The following SKAP1 variants were observed in gnomAD, a reference collection of about 807,000 sequenced individuals.
SKAP1 encodes src kinase associated phosphoprotein 1, also known as src kinase-associated phosphoprotein 1.
SKAP1 carries 44 observed loss-of-function variants against 58.5 expected under a neutral mutation model. That is an observed-to-expected ratio of 0.75 (90% CI 0.59 to 0.97). SKAP1 has a LOEUF of 0.97. Ranked by LOEUF, SKAP1 falls within the 50% of genes least tolerant of loss-of-function variation. The pLI is 0.00. For synonymous variants in SKAP1, 127 were observed against 149.7 expected, an observed-to-expected ratio of 0.85 and a Z score of 1.11; for missense variants, 390 against 435.2, an observed-to-expected ratio of 0.90 and a Z score of 0.92.
At chr17:48,396,930 A>T (rs536062260) in intron 1 of SKAP1, 145 bp from the exon 2 acceptor site, 70 of 451,006 alleles carry the variant, frequency 1.6e-4, no homozygotes, top group Admixed American at 3.7e-4. Flanking sequence ...AGTATAATAA[A>T]AAAAAAAAAA....
At chr17:48,284,927 A>G (rs1279429260) in intron 4 of SKAP1, among the ~76,000 whole-genome samples, 2 of 152,230 alleles carry the variant, frequency 1.3e-5, no homozygotes, top group East Asian at 1.9e-4. Context: ...TTTTCAGCAC[A>G]CTGAAATTCT....
chr17:48,209,357 G>T (rs1598429740), intron 4 of SKAP1, among the ~76,000 whole-genome samples: 1 of 152,134 alleles, frequency 6.6e-6, no homozygotes, highest in African/African-American at 2.4e-5. Flanking sequence ...TGTATTTACA[G>T]AGTCTGGAAG....
intron 4 of SKAP1, among the ~76,000 whole-genome samples, chr17:48,249,833 G>A (rs778038192): frequency 7.2e-5 from 11 of 152,040 alleles, no homozygotes; most frequent in Non-Finnish European, 1.6e-4. Flanking sequence ...ATCTGGGAGG[G>A]CACAGAGGCC....
chr17:48,261,227 A>G (rs1042666027), intron 4 of SKAP1, among the ~76,000 whole-genome samples: 2 of 152,134 alleles, frequency 1.3e-5, no homozygotes, highest in Non-Finnish European at 2.9e-5. Context: ...ATGACTTAAA[A>G]CCATCTCTCA....
chr17:48,336,711 A>G (rs749025026), intron 4 of SKAP1, among the ~76,000 whole-genome samples: 49 of 152,188 alleles, frequency 3.2e-4, no homozygotes, highest in Admixed American at 4.6e-4. Context: ...TAAATGAGAT[A>G]TTAGTAAGAA....
intron 3 of SKAP1, among the ~76,000 whole-genome samples, chr17:48,353,618 G>A (rs941616921): frequency 1.2e-4 from 18 of 152,106 alleles, no homozygotes; most frequent in African/African-American, 3.4e-4. Flanking sequence ...TGAGATGGCC[G>A]GGTGCAGTGG....
chr17:48,188,012 G>A, intron 5 of SKAP1, 86 bp from the exon 6 acceptor site: 2 of 952,570 alleles, frequency 2.1e-6, no homozygotes, highest in Non-Finnish European at 1.7e-6. Flanking sequence ...ACAGTCCAGT[G>A]TGTTATTGTT....
intron 4 of SKAP1, among the ~76,000 whole-genome samples, chr17:48,254,126 T>C (rs1040305616): frequency 2.6e-5 from 4 of 152,142 alleles, no homozygotes; most frequent in African/African-American, 4.8e-5. Flanking sequence ...GGATAAATAA[T>C]AGGGCCATTC....
chr17:48,227,356 G>A (rs1192754982), intron 4 of SKAP1, among the ~76,000 whole-genome samples: 1 of 152,200 alleles, frequency 6.6e-6, no homozygotes, highest in African/African-American at 2.4e-5. Flanking sequence ...TCTGCAGAAT[G>A]GGTAGGCTAG....
chr17:48,192,662 T>C (rs949283736), intron 4 of SKAP1, among the ~76,000 whole-genome samples: 2 of 152,148 alleles, frequency 1.3e-5, no homozygotes, highest in African/African-American at 4.8e-5. Flanking sequence ...AGAGCTTGAA[T>C]TGAATTACCC....
intron 4 of SKAP1, among the ~76,000 whole-genome samples, chr17:48,217,064 A>AT (rs1223566523): frequency 6.6e-6 from 1 of 151,996 alleles, no homozygotes; most frequent in Non-Finnish European, 1.5e-5. Context: ...CACATATTTT[A>AT]TTTTTTTACC....
chr17:48,295,339 C>G (rs2065953401), intron 4 of SKAP1, among the ~76,000 whole-genome samples: 1 of 152,112 alleles, frequency 6.6e-6, no homozygotes, highest in South Asian at 2.1e-4. Flanking sequence ...GTAATTTGAA[C>G]ATAAACTACA....
intron 2 of SKAP1, among the ~76,000 whole-genome samples, chr17:48,369,775 A>C (rs1181672270): frequency 6.6e-6 from 1 of 152,214 alleles, no homozygotes; most frequent in African/African-American, 2.4e-5. Flanking sequence ...ACCCATCATA[A>C]GAAAGCTAAT....
chr17:48,243,713 T>C (rs1371909812), intron 4 of SKAP1, among the ~76,000 whole-genome samples: 2 of 152,126 alleles, frequency 1.3e-5, no homozygotes, highest in African/African-American at 2.4e-5. Flanking sequence ...ATGCTATTAA[T>C]ATATATATAA....
intron 4 of SKAP1, among the ~76,000 whole-genome samples, chr17:48,264,775 CACACACA>C (rs773673868): frequency 2.6e-5 from 4 of 151,740 alleles, no homozygotes; most frequent in African/African-American, 9.7e-5. Flanking sequence ...CACACACACA[CACACACA>C]CCCTCCATCT....
chr17:48,347,349 G>A (rs2066735418), intron 3 of SKAP1, among the ~76,000 whole-genome samples: 2 of 152,204 alleles, frequency 1.3e-5, no homozygotes, highest in South Asian at 2.1e-4. Context: ...CTAGGGAGCT[G>A]TGAAACCAAA....
chr17:48,357,190 A>G (rs1306208447), intron 3 of SKAP1, among the ~76,000 whole-genome samples: 1 of 152,198 alleles, frequency 6.6e-6, no homozygotes, highest in Non-Finnish European at 1.5e-5. Context: ...CCTGATTCCA[A>G]TGATTTCTTT....
intron 1 of SKAP1, among the ~76,000 whole-genome samples, chr17:48,408,332 C>T (rs1432050483): frequency 2.6e-5 from 4 of 152,070 alleles, no homozygotes; most frequent in African/African-American, 9.6e-5. Flanking sequence ...AGAAAGTTGC[C>T]GAAATGTTTT....
At chr17:48,413,834 C>T (rs537854802) in intron 1 of SKAP1, among the ~76,000 whole-genome samples, 1 of 152,222 alleles carries the variant, frequency 6.6e-6, no homozygotes, top group South Asian at 2.1e-4. Context: ...GCACCACTAA[C>T]TGCATAAGAA....
Sources: gnomAD v4.1 joint callset for allele counts (sites outside exome capture counted in the v4.1 genomes callset) on GRCh38, gnomAD v4.1.1 for gene constraint, MANE v1.5 for transcripts, NCBI Gene and HGNC (gene_info 2026-07-23, HGNC 2026-07-21) for gene names.